Variants in MAP3K1 observed in about 807,000 individuals in gnomAD.
The protein encoded by MAP3K1 is mitogen-activated protein kinase kinase kinase 1, also known as MAP/ERK kinase kinase 1.
In MAP3K1, 36 loss-of-function variants were observed where a neutral mutation model predicts 144.2. The ratio of observed to expected loss-of-function variants is 0.25; its 90% confidence interval spans 0.19 to 0.33. MAP3K1 has a LOEUF of 0.33. Ranked by LOEUF, MAP3K1 falls within the 10% of genes least tolerant of loss-of-function variation. The pLI is 1.00. For synonymous variants in MAP3K1, 718 were observed against 688.7 expected (o/e 1.04, Z -0.67); for missense variants, 1,650 against 1,881.9 (o/e 0.88, Z 2.28).
chr5:56,863,495 T>A (rs1747582064), intron 3 of MAP3K1, among the ~76,000 whole-genome samples: 1 of 152,234 alleles, frequency 6.6e-6, no homozygotes, highest in Non-Finnish European at 1.5e-5. Context: ...CCATTTTTAA[T>A]TGCAGAGCAA....
chr5:56,831,184 G>GT (rs5868030), intron 1 of MAP3K1, among the ~76,000 whole-genome samples: 124 of 136,328 alleles, frequency 9.1e-4, no homozygotes, highest in East Asian at 2.4e-3. Flanking sequence ...AAAATGTTGG[G>GT]TTTTTTTTTT....
At chr5:56,858,785 A>G (rs1368536460) in intron 2 of MAP3K1, among the ~76,000 whole-genome samples, 1 of 152,134 alleles carries the variant, frequency 6.6e-6, no homozygotes, top group Non-Finnish European at 1.5e-5. Context: ...GAAGTTTCAT[A>G]AAAGGAAGAA....
In MAP3K1 at chr5:56,893,714, A is replaced by T; in HGVS notation, c.*34A>T. 1 of 1,611,586 alleles carries T rather than the reference A, an allele frequency of 6.2e-7. No homozygotes were observed. The highest frequency in any genetic ancestry group is 8.5e-7 in the Non-Finnish European group (1 of 1,178,526). ...GCAGATCAACTACAGTAGAAACAGG[A>T]TGCTCAACAAGAGAAAAAAAACTTG... On this transcript the variant is annotated 3_prime_UTR_variant, in exon 20 of 20. Coordinates refer to ENST00000399503, the MANE Select transcript of MAP3K1 (RefSeq NM_005921.2).
Position 56,815,565 on chromosome 5 carries a change from C to G in MAP3K1, c.-9C>G, listed in dbSNP as rs1745917777. 5.4e-6 allele frequency: 7 copies of G among 1,301,216 alleles called. No homozygotes were observed. In the Admixed American group the frequency reaches 1.6e-4, roughly 30 times the overall value. The allele number at this position is 1,301,216 out of a possible 1,614,324, so 80.6% of individuals were successfully genotyped here. ...GCAGGGGCCGAGCGAATGTAGCCCG[C>G]GAGAGAAAATGGCGGCGGCGGCGGG... is the stretch of plus-strand genomic sequence containing the variant. On this transcript the variant is annotated 5_prime_UTR_variant, in exon 1 of 20. Coordinates refer to ENST00000399503, the MANE Select transcript of MAP3K1 (RefSeq NM_005921.2).
In MAP3K1 at chr5:56,880,813, T is replaced by C. The variant is rs1748182023; in HGVS notation, c.2179+11T>C. On this transcript the variant is annotated intron_variant, in intron 12 of 19. Transcript: ENST00000399503. ...AAATACTAAAAGCTGGTAATAACTT[T>C]TCACTTAAAAGGAATATAGCATATT... The C allele has an allele frequency of 6.2e-7, 1 of 1,605,600 alleles. No homozygotes were observed. The highest frequency in any genetic ancestry group is 1.7e-5 in the Admixed American group (1 of 59,912).
chr5:56,863,441 T>C (rs1747579941), intron 3 of MAP3K1, among the ~76,000 whole-genome samples: 3 of 152,358 alleles, frequency 2.0e-5, no homozygotes, highest in Middle Eastern at 3.4e-3. Flanking sequence ...TCACTTAGTA[T>C]CATATTTTCA....
In MAP3K1 at chr5:56,875,176, G is replaced by A. The variant is rs1473673195; in HGVS notation, c.1831G>A (p.Gly611Arg). Residue 611 changes from glycine (G) to arginine (R), a missense_variant, in exon 10 of 20, where the codon GGA becomes AGA. By Grantham distance (125) the Gly-to-Arg change is moderately radical. This residue lies in a region of MAP3K1 where 841 missense variants were observed against 886.5 expected (regional missense o/e 0.95). Transcript: ENST00000399503. ...CACTGGAAATTCTGGGGGCAGCAGTGGAAGCAGCCCGAGTGGGGGAGCCAC... is the reference window on the plus strand; with the variant it reads ...CACTGGAAATTCTGGGGGCAGCAGTAGAAGCAGCCCGAGTGGGGGAGCCAC... ...ESTGNSGGSS[G>R]SSPSGGATSG... 6.2e-7 allele frequency: 1 copy of A among 1,614,184 alleles called. No homozygotes were observed. Among genetic ancestry groups the A allele is most frequent in the South Asian group, 1.1e-5 (1 of 91,084 alleles).
intron 1 of MAP3K1, among the ~76,000 whole-genome samples, chr5:56,848,624 G>A (rs1333555475): frequency 6.6e-6 from 1 of 152,040 alleles, no homozygotes; most frequent in Non-Finnish European, 1.5e-5. Context: ...TTTAATTTTG[G>A]TTAATTTTAT....
rs114652177 is a variant in MAP3K1, at chr5:56,841,630, T to C, written c.483-14970T>C. Among the ~76,000 whole-genome samples the C allele has an allele frequency of 6.9e-3, 1,056 of 152,370 alleles. 12 individuals are homozygous for C. Among genetic ancestry groups the C allele is most frequent in the African/African-American group, 0.023 (942 of 41,586 alleles). ...CGATTAAAAGGAATTTGTGGTCCTA[T>C]TGAGCTTTCTATCTTCTGATGGTGT... On this transcript the variant is annotated intron_variant, in intron 1 of 19. Coordinates refer to ENST00000399503, the MANE Select transcript of MAP3K1 (RefSeq NM_005921.2).
At chr5:56,879,758 G>T (rs971958508) in intron 11 of MAP3K1, among the ~76,000 whole-genome samples, 1 of 152,154 alleles carries the variant, frequency 6.6e-6, no homozygotes, top group African/African-American at 2.4e-5. Flanking sequence ...AGGAGGAAAA[G>T]ATCAATTTTC....
chr5:56,815,858 C>A lies in MAP3K1; in HGVS notation c.285C>A (p.Pro95=), dbSNP rs1227856608. Residue 95 remains proline (P), a synonymous_variant, in exon 1 of 20, where the codon CCC becomes CCA. Transcript: ENST00000399503. ...CCTCGACTTCCCCGTCGCCGGAGCC[C>A]GCGGACGCAGCGGGGAGTGGGACCG... ...PASSTSPSPE[P]ADAAGSGTGF... is the part of the protein sequence containing the mutation. 1.4e-6 allele frequency: 2 copies of A among 1,399,302 alleles called. No homozygotes were observed. Among genetic ancestry groups the A allele is most frequent in the South Asian group, 1.5e-5 (1 of 66,816 alleles). The allele number at this position is 1,399,302 out of a possible 1,614,324, so 86.7% of individuals were successfully genotyped here. A position where few individuals can be genotyped will look rare whatever the true frequency, so the allele number is the denominator to read the frequency against.
intron 1 of MAP3K1, among the ~76,000 whole-genome samples, chr5:56,830,418 A>G (rs1460786815): frequency 6.6e-6 from 1 of 152,002 alleles, no homozygotes. Flanking sequence ...ACATACATAT[A>G]CTACCTACCC....
At chr5:56,853,443 G>C (rs1490300501) in intron 1 of MAP3K1, among the ~76,000 whole-genome samples, 1 of 152,120 alleles carries the variant, frequency 6.6e-6, no homozygotes, top group Non-Finnish European at 1.5e-5. Context: ...GAAGGCTGTA[G>C]GACTGCCAGA....
Position 56,865,906 on chromosome 5 carries a change from G to T in MAP3K1, c.1230G>T (p.Lys410Asn), listed in dbSNP as rs1424061805. Reference sequence around the variant, plus strand: ...CTCCATCTCGTAACACCATCCAGAAGTTTGTTTCACGCATGTCAAATTCTC... The same window carrying T: ...CTCCATCTCGTAACACCATCCAGAATTTTGTTTCACGCATGTCAAATTCTC... ...IKAPSRNTIQ[K>N]FVSRMSNSHT... Residue 410 changes from lysine to asparagine, a missense_variant, in exon 6 of 20, where the codon AAG (lysine) becomes AAT (asparagine). Lys to Asn is a moderately conservative substitution (Grantham distance 94). Around this residue, in one of 6 missense-constraint regions of MAP3K1, gnomAD observed 125 missense variants for 179.9 expected, o/e 0.69. Coordinates refer to ENST00000399503, the MANE Select transcript of MAP3K1 (RefSeq NM_005921.2). The T allele has an allele frequency of 1.8e-5, 29 of 1,613,514 alleles. No homozygotes were observed. Among genetic ancestry groups the T allele is most frequent in the Non-Finnish European group, 2.4e-5 (28 of 1,179,580 alleles).
intron 1 of MAP3K1, among the ~76,000 whole-genome samples, chr5:56,845,366 T>G (rs983838447): frequency 8.5e-5 from 13 of 152,204 alleles, no homozygotes; most frequent in Admixed American, 2.6e-4. Flanking sequence ...TGGGATCTTT[T>G]TAATGAACAC....
rs1561156036 is a variant in MAP3K1 at position 56,815,587 on chromosome 5, C to A, written c.14C>A (p.Ala5Glu). The change falls in exon 1 of 20, where the codon GCG becomes GAG. Residue 5 changes from alanine to glutamate, a missense_variant. Transcript: ENST00000399503. MAAA[A>E]GNRASSSGFP... ...CCGCGAGAGAAAATGGCGGCGGCGG[C>A]GGGGAATCGCGCCTCGTCGTCGGGA... 2 of 1,295,432 alleles carry A rather than the reference C, an allele frequency of 1.5e-6. No homozygotes were observed. The highest frequency in any genetic ancestry group is 2.3e-5 in the South Asian group (1 of 43,472). The allele number at this position is 1,295,432 out of a possible 1,614,324, so 80.2% of individuals were successfully genotyped here.
At chr5:56,842,492 A>G (rs765392769) in intron 1 of MAP3K1, among the ~76,000 whole-genome samples, 2 of 152,228 alleles carry the variant, frequency 1.3e-5, no homozygotes, top group Non-Finnish European at 2.9e-5. Flanking sequence ...AGTAGTACTT[A>G]GAACAGAGGA....
intron 10 of MAP3K1, 143 bp from the exon 11 acceptor site, chr5:56,878,837 G>A (rs1748116529): frequency 2.8e-6 from 2 of 720,186 alleles, no homozygotes; most frequent in East Asian, 5.4e-5. Context: ...TATTATTACA[G>A]AAGCATGGAA....
chr5:56,893,765 G>A lies in MAP3K1; in HGVS notation c.*85G>A, dbSNP rs769616717. 7.9e-5 allele frequency: 113 copies of A among 1,439,166 alleles called. No individual in the cohort carries two copies. The Middle Eastern group carries it at 2.6e-3, about 33-fold the overall frequency. 89.1% of individuals were successfully genotyped at this position (1,439,166 alleles called of 1,614,324 possible). A position where few individuals can be genotyped will look rare whatever the true frequency, so the allele number is the denominator to read the frequency against. On this transcript the variant is annotated 3_prime_UTR_variant, in exon 20 of 20. Coordinates refer to ENST00000399503, the MANE Select transcript of MAP3K1 (RefSeq NM_005921.2). ...TGGGGAACCACATTGATATTCTACTGGCCATGATGCCACTGAACAGCTATG... is the reference window on the plus strand; with the variant it reads ...TGGGGAACCACATTGATATTCTACTAGCCATGATGCCACTGAACAGCTATG...
Sources: gnomAD v4.1 joint callset for allele counts (sites outside exome capture counted in the v4.1 genomes callset) on GRCh38, gnomAD v4.1.1 for gene constraint, gnomAD v4.1.1 regional missense constraint, MANE v1.5 for transcripts, NCBI Gene and HGNC (gene_info 2026-07-23, HGNC 2026-07-21) for gene names.